The following TMC3 variants were observed in gnomAD, a reference collection of about 807,000 sequenced individuals.
TMC3 encodes the protein transmembrane channel-like protein 3.
Under a neutral mutation model 110.6 loss-of-function variants are expected in TMC3, and 98 were observed. That is an observed-to-expected ratio of 0.89 (90% CI 0.75 to 1.05). The LOEUF (loss-of-function observed/expected upper bound fraction) is 1.05. TMC3 is among the 50% of genes least tolerant of loss of function. The probability of loss-of-function intolerance (pLI) is 0.00; values close to 1 mark genes in which losing one functional copy is unlikely to be tolerated. For missense variants in TMC3, 1,319 were observed against 1,373.2 expected (o/e 0.96, Z 0.62); for synonymous variants, 489 against 513.1 (o/e 0.95, Z 0.63).
chr15:81,347,250 A>G (rs1022772401), intron 11 of TMC3, among the ~76,000 whole-genome samples: 1 of 152,240 alleles, frequency 6.6e-6, no homozygotes, highest in Non-Finnish European at 1.5e-5. Flanking sequence ...AATGAAGCCA[A>G]TTGATGGGAG....
chr15:81,346,552 C>T (rs978373267), intron 11 of TMC3, 109 bp from the exon 12 acceptor site: 6 of 1,058,746 alleles, frequency 5.7e-6, no homozygotes, highest in Non-Finnish European at 8.5e-6. Flanking sequence ...AAGGCAGTGG[C>T]TGCCACACTT....
In TMC3 at chr15:81,362,291, T is replaced by G; in HGVS notation, c.323A>C (p.Lys108Thr). The G allele has an allele frequency of 6.2e-7, 1 of 1,611,852 alleles. No individual in the cohort carries two copies. The highest frequency in any genetic ancestry group is 1.7e-4 in the Middle Eastern group (1 of 6,054). Residue 108 changes from lysine (K) to threonine (T), a missense_variant, in exon 4 of 22, where the codon AAA (lysine) becomes ACA (threonine). Transcript: ENST00000359440. ...AAAGTTACAGGCGAGACGAGCAAAT[T>G]TCCGCCAGAGCTAGACAAGAGGGGT... Reference protein sequence around the residue: ...YQAAGAELWRKFARLACNFVV... With the variant: ...YQAAGAELWRTFARLACNFVV...
chr15:81,342,961 C>T (rs1047154208), intron 15 of TMC3: 9 of 264,144 alleles, frequency 3.4e-5, no homozygotes, highest in East Asian at 1.6e-4. Context: ...GAAGTCCTCA[C>T]GAGGGAGAAG....
chr15:81,345,705 A>T (rs902384804), intron 12 of TMC3, among the ~76,000 whole-genome samples: 3 of 152,174 alleles, frequency 2.0e-5, no homozygotes, highest in Admixed American at 6.5e-5. Context: ...CCCCATCTCT[A>T]TAAAAAATAC....
intron 12 of TMC3, 21 bp from the exon 13 acceptor site, chr15:81,345,032 A>G: frequency 6.4e-7 from 1 of 1,554,254 alleles, no homozygotes; most frequent in African/African-American, 1.4e-5. Flanking sequence ...AGAGAGAGAG[A>G]GAGAGGGAAG....
At chr15:81,338,604 G>C in intron 18 of TMC3, 51 bp downstream of exon 18, 2 of 1,583,982 alleles carry the variant, frequency 1.3e-6, no homozygotes, top group South Asian at 1.2e-5. Flanking sequence ...GCGTTTTCTT[G>C]TTGGCCAAAC....
At chr15:81,335,872 C>T (rs1893582535) in intron 20 of TMC3, 1 of 152,256 alleles carries the variant, frequency 6.6e-6, no homozygotes, top group African/African-American at 2.4e-5. Flanking sequence ...ATTCTCCCTG[C>T]TCTGCAGGGA....
chr15:81,346,809 C>G (rs1203676622), intron 11 of TMC3, among the ~76,000 whole-genome samples: 2 of 152,228 alleles, frequency 1.3e-5, no homozygotes, highest in Non-Finnish European at 2.9e-5. Flanking sequence ...CATGCATTAT[C>G]TCATTTGATC....
At position 81,351,650 on chromosome 15, in the gene TMC3, CTA is replaced by C. The variant is rs1290692718; in HGVS notation, c.1083+42_1083+43del. ...TACAGGCATCAGCCACTGTGCCCAG[CTA>C]TGTCTCTTTTCTAGGGTGCTGCAGG... On this transcript the variant is annotated intron_variant, in intron 10 of 21. Coordinates refer to ENST00000359440, the MANE Select transcript of TMC3 (RefSeq NM_001080532.3). 2.6e-6 allele frequency: 4 copies of C among 1,549,840 alleles called. No individual in the cohort carries two copies. The South Asian group carries it at 3.6e-5, about 14-fold the overall frequency.
chr15:81,349,118 A>G (rs1893887137), intron 11 of TMC3, among the ~76,000 whole-genome samples: 1 of 152,160 alleles, frequency 6.6e-6, no homozygotes, highest in Non-Finnish European at 1.5e-5. Context: ...GGCGTGAGCC[A>G]CCACGCCCGA....
chr15:81,349,156 T>C (rs1458569958), intron 11 of TMC3, among the ~76,000 whole-genome samples: 1 of 152,016 alleles, frequency 6.6e-6, no homozygotes, highest in African/African-American at 2.4e-5. Flanking sequence ...TGTCCTCTTT[T>C]TCTGCCTGTT....
In TMC3 at chr15:81,334,962, G is replaced by A. The variant is rs759359444; in HGVS notation, c.2217C>T (p.Thr739=). Residue 739 remains threonine, a synonymous_variant, in exon 21 of 22, where the codon ACC becomes ACT. Transcript: ENST00000359440. The part of the protein sequence containing the change: ...VAQMVEARIQ[T]QEESTKKLPN... The stretch of plus-strand genomic sequence containing the variant: ...GAAGCTTCTTGGTGCTTTCTTCCTG[G>A]GTCTGGATTCGGGCTGCAGGGAGAG... 107 of 1,613,708 alleles carry A rather than the reference G, an allele frequency of 6.6e-5. No individual in the cohort carries two copies. Among genetic ancestry groups the A allele is most frequent in the Non-Finnish European group, 6.2e-5 (73 of 1,179,744 alleles).
intron 2 of TMC3, among the ~76,000 whole-genome samples, chr15:81,371,124 G>C (rs1180420569): frequency 6.6e-6 from 1 of 152,122 alleles, no homozygotes; most frequent in Non-Finnish European, 1.5e-5. Flanking sequence ...TGTAGCTTGG[G>C]TTAGTCTCTT....
chr15:81,358,448 T>C lies in TMC3; in HGVS notation c.554A>G (p.Glu185Gly), dbSNP rs1894114618. Residue 185 changes from glutamate to glycine, a missense_variant, in exon 6 of 22, where the codon GAG becomes GGG. Physicochemically the swap from Glu to Gly is moderately conservative, Grantham distance 98 (BLOSUM62 -2). Coordinates refer to ENST00000359440, the MANE Select transcript of TMC3 (RefSeq NM_001080532.3). ...GSTARKTIPK[E>G]QVSSAQDLDT... ...CAGGTCTTGGGCAGACGAAACCTGC[T>C]CCTTGGGGATGGTCTTCCTGGCTGT... The C allele has an allele frequency of 3.1e-6, 5 of 1,613,702 alleles. No homozygotes were observed. Among genetic ancestry groups the C allele is most frequent in the Non-Finnish European group, 3.4e-6 (4 of 1,179,804 alleles).
intron 20 of TMC3, chr15:81,335,925 G>C (rs1460303624): frequency 2.0e-5 from 3 of 152,314 alleles, no homozygotes; most frequent in Non-Finnish European, 2.9e-5. Context: ...ACCTGGGAGG[G>C]AACATTGCAA....
In TMC3 at chr15:81,372,836, A is replaced by C. The variant is rs1361245883; in HGVS notation, c.90-99T>G. ...CACAAGTTCAGCATCTCACTGCCCT[A>C]GGGTCATCTGTATGAAATGTGTATG... On this transcript the variant is annotated intron_variant, in intron 1 of 21. Transcript: ENST00000359440. 7 of 1,242,698 alleles carry C rather than the reference A, an allele frequency of 5.6e-6. No homozygotes were observed. In the East Asian group the frequency reaches 1.5e-4, roughly 27 times the overall value. The allele number at this position is 1,242,698 out of a possible 1,614,324, so 77.0% of individuals were successfully genotyped here. A position where few individuals can be genotyped will look rare whatever the true frequency, so the allele number is the denominator to read the frequency against.
At position 81,372,729 on chromosome 15, in the gene TMC3, T is replaced by A; in HGVS notation, c.98A>T (p.Asp33Val). Residue 33 changes from aspartate (D) to valine (V), a missense_variant, in exon 2 of 22, where the codon GAT becomes GTT. Transcript: ENST00000359440. ...TGTTTCATCAGCACTAAAGCTGTCA[T>A]CCAAGTTGCTGAATGATCAGGGCAT... ...YQESLLLSNL[D>V]DSFSADETGD... The A allele has an allele frequency of 6.2e-7, 1 of 1,613,984 alleles. No individual in the cohort carries two copies. The highest frequency in any genetic ancestry group is 8.5e-7 in the Non-Finnish European group (1 of 1,179,866).
rs566766994 is a variant in TMC3 at position 81,355,663 on chromosome 15, T to G, written c.935+62A>C. Reference sequence around the variant, plus strand: ...ATAAGATATAGATGATCTGGTAGTTTTTGTACCAAACTAAAAATAAAACTT... The same window carrying G: ...ATAAGATATAGATGATCTGGTAGTTGTTGTACCAAACTAAAAATAAAACTT... On this transcript the variant is annotated intron_variant, in intron 9 of 21. Coordinates refer to ENST00000359440, the MANE Select transcript of TMC3 (RefSeq NM_001080532.3). The G allele has an allele frequency of 3.6e-6, 4 of 1,125,590 alleles. No homozygotes were observed. In the South Asian group the frequency reaches 5.3e-5, roughly 15 times the overall value. The allele number at this position is 1,125,590 out of a possible 1,614,324, so 69.7% of individuals were successfully genotyped here.
rs1297790580 is a variant in TMC3, at chr15:81,332,514, A to G, written c.3208T>C (p.Phe1070Leu). The stretch of plus-strand genomic sequence containing the variant: ...CTGGGCTGGCCCACGGACCTCGGGA[A>G]CCTGCCCTGGCTGTGGGTGACCTGC... ...YLQVTHSQGRFPRSVGQPSRR... is the reference protein window; with the variant it reads ...YLQVTHSQGRLPRSVGQPSRR... Residue 1070 changes from phenylalanine (F) to leucine (L), a missense_variant, in exon 22 of 22, where the codon TTC becomes CTC. Physicochemically the swap from Phe to Leu is conservative, Grantham distance 22 (BLOSUM62 0). Transcript: ENST00000359440. The G allele has an allele frequency of 1.2e-6, 2 of 1,613,668 alleles. No homozygotes were observed. The highest frequency in any genetic ancestry group is 1.3e-5 in the African/African-American group (1 of 75,054).
Sources: gnomAD v4.1 joint callset for allele counts (sites outside exome capture counted in the v4.1 genomes callset) on GRCh38, gnomAD v4.1.1 for gene constraint, MANE v1.5 for transcripts, NCBI Gene and HGNC (gene_info 2026-07-23, HGNC 2026-07-21) for gene names.